COL6A3: variants seen among roughly 807,000 people sequenced by gnomAD.
COL6A3 encodes collagen alpha-3(VI) chain.
In COL6A3, 137 loss-of-function variants were observed where a neutral mutation model predicts 274.1. That is an observed-to-expected ratio of 0.50 (90% CI 0.44 to 0.58). The LOEUF is 0.58. Among genes scored for constraint, COL6A3 ranks in the 20% least tolerant of loss-of-function variants. The pLI is 0.00. For missense variants in COL6A3, 3,950 were observed against 4,124.9 expected, an observed-to-expected ratio of 0.96 and a Z score of 1.16; for synonymous variants, 1,650 against 1,650.6, an observed-to-expected ratio of 1.00 and a Z score of 0.01.
rs2077854242 is a variant in COL6A3, at chr2:237,376,815, T to C, written c.3027A>G (p.Ile1009Met). 6.2e-7 allele frequency: 1 copy of C among 1,614,224 alleles called. No homozygotes were observed. The highest frequency in any genetic ancestry group is 1.3e-5 in the African/African-American group (1 of 75,060). Reference protein sequence around the residue: ...LPKIGDLHPQIVNLLKSVHNG... With the variant: ...LPKIGDLHPQMVNLLKSVHNG... ...TGTGCACTGATTTTAAGAGATTCAC[T>C]ATCTGTGGATGAAGATCTCCAATCT... Residue 1009 changes from isoleucine (I) to methionine (M), a missense_variant, in exon 7 of 44, where the codon ATA (isoleucine) becomes ATG (methionine). By Grantham distance (10) the Ile-to-Met change is conservative (BLOSUM62 1). Around this residue, in one of 5 missense-constraint regions of COL6A3, gnomAD observed 1,934 missense variants for 1,984.3 expected, o/e 0.97. Coordinates refer to ENST00000295550, the MANE Select transcript of COL6A3 (RefSeq NM_004369.4).
At chr2:237,332,089 A>C (rs1432863119) in intron 42 of COL6A3, among the ~76,000 whole-genome samples, 1 of 31,836 alleles carries the variant, frequency 3.1e-5, no homozygotes, top group African/African-American at 2.0e-4. Flanking sequence ...ATATATATAT[A>C]TATATATATA....
rs766589204 is a variant in COL6A3, at chr2:237,388,120, G to A, written c.774C>T (p.Phe258=). 1.1e-5 allele frequency: 17 copies of A among 1,614,164 alleles called. No individual in the cohort carries two copies. Among genetic ancestry groups the A allele is most frequent in the Middle Eastern group, 1.6e-4 (1 of 6,062 alleles). Residue 258 remains phenylalanine, a synonymous_variant, in exon 4 of 44, where the codon TTC becomes TTT. Coordinates refer to ENST00000295550, the MANE Select transcript of COL6A3 (RefSeq NM_004369.4). ...TTACAAGGAAGTCGAGAATGACTGC[G>A]AAATTGACACTTCCGGTGTTGTTTG... is the stretch of plus-strand genomic sequence containing the variant. ...DGSNNTGSVN[F]AVILDFLVNL...
At chr2:237,369,894 G>C (rs1405276706) in intron 9 of COL6A3, among the ~76,000 whole-genome samples, 1 of 150,118 alleles carries the variant, frequency 6.7e-6, no homozygotes, top group Non-Finnish European at 1.5e-5. Context: ...CTGGAGTGCA[G>C]TTGCACAGTC....
chr2:237,351,282 T>G, intron 26 of COL6A3, 90 bp from the exon 27 acceptor site: 1 of 1,267,526 alleles, frequency 7.9e-7, no homozygotes, highest in Non-Finnish European at 1.2e-6. Flanking sequence ...TGCATGGAAG[T>G]CAGAGCCCGC....
intron 40 of COL6A3, among the ~76,000 whole-genome samples, chr2:237,335,392 GATAAA>G (rs1337439843): frequency 1.3e-5 from 2 of 152,132 alleles, no homozygotes; most frequent in African/African-American, 4.8e-5. Flanking sequence ...TTAGGAAAAT[GATAAA>G]ATAACATACT....
At chr2:237,373,377 A>C (rs904758062) in intron 8 of COL6A3, among the ~76,000 whole-genome samples, 1 of 152,172 alleles carries the variant, frequency 6.6e-6, no homozygotes, top group East Asian at 1.9e-4. Flanking sequence ...AGGAAGAAAG[A>C]AAGCCTCTTT....
At chr2:237,348,239 C>T (rs2077134902) in intron 30 of COL6A3, 110 bp downstream of exon 30, 4 of 953,760 alleles carry the variant, frequency 4.2e-6, no homozygotes, top group Non-Finnish European at 6.9e-6. Context: ...GCCCAGTTAA[C>T]TGAGTGGCTG....
chr2:237,382,401 C>A lies in COL6A3; in HGVS notation c.1313-902G>T, dbSNP rs548716366. Among the ~76,000 whole-genome samples, 3 of 151,940 alleles carry A rather than the reference C, an allele frequency of 2.0e-5. No individual in the cohort carries two copies. In the South Asian group the frequency reaches 6.2e-4, roughly 32 times the overall value. On this transcript the variant is annotated intron_variant, in intron 4 of 43. Transcript: ENST00000295550. ...TCATCTCCAAAAAAAAAACAAAAAA[C>A]CTGTTTTTAAAGATCCTAAGTAATA...
Position 237,361,942 on chromosome 2 carries a change from G to A in COL6A3, c.6064-111C>T, listed in dbSNP as rs1011110581. On this transcript the variant is annotated intron_variant, in intron 14 of 43. Coordinates refer to ENST00000295550, the MANE Select transcript of COL6A3 (RefSeq NM_004369.4). The surrounding 1 kb of genome is among the most constrained non-coding windows in gnomAD (Gnocchi z 5.1). ...GATGTGTGGGGGTTTCACGGTGTGAGATGAAGTCCCTCCAGGTGACATTTG... is the reference window on the plus strand; with the variant it reads ...GATGTGTGGGGGTTTCACGGTGTGAAATGAAGTCCCTCCAGGTGACATTTG... 1.3e-5 allele frequency: 12 copies of A among 932,906 alleles called. No individual in the cohort carries two copies. Among genetic ancestry groups the A allele is most frequent in the African/African-American group, 3.2e-5 (2 of 61,888 alleles). 57.8% of individuals were successfully genotyped at this position (932,906 alleles called of 1,614,324 possible).
chr2:237,373,595 C>T (rs2077749994), intron 8 of COL6A3, among the ~76,000 whole-genome samples: 1 of 152,152 alleles, frequency 6.6e-6, no homozygotes, highest in Admixed American at 6.5e-5. Flanking sequence ...GCTTTTACTC[C>T]TTCCTCCGCT....
At chr2:237,329,769 C>T (rs1440296493) in intron 42 of COL6A3, 1 of 152,178 alleles carries the variant, frequency 6.6e-6, no homozygotes, top group Non-Finnish European at 1.5e-5. Flanking sequence ...CTAAGTAACA[C>T]AAAATGCTAC....
chr2:237,396,362 T>G (rs537208077), intron 2 of COL6A3, among the ~76,000 whole-genome samples: 2 of 152,204 alleles, frequency 1.3e-5, no homozygotes, highest in South Asian at 4.1e-4. Flanking sequence ...CTCTCAATCA[T>G]TGACTTCTCC....
chr2:237,346,632 T>C, intron 31 of COL6A3, 67 bp from the exon 32 acceptor site: 1 of 1,438,122 alleles, frequency 7.0e-7, no homozygotes, highest in South Asian at 1.1e-5. Flanking sequence ...CTCCTATAGT[T>C]GGAAGGTACG....
At chr2:237,356,619 C>G (rs890241742) in intron 23 of COL6A3, among the ~76,000 whole-genome samples, 4 of 152,212 alleles carry the variant, frequency 2.6e-5, no homozygotes, top group African/African-American at 9.6e-5. Context: ...GTGCTCTGTT[C>G]ATTTCTGAGC....
chr2:237,391,186 C>T (rs2078276601), intron 3 of COL6A3, among the ~76,000 whole-genome samples: 1 of 152,198 alleles, frequency 6.6e-6, no homozygotes, highest in African/African-American at 2.4e-5. Context: ...TGCCGTGGAA[C>T]ATGCAGCGGG....
intron 28 of COL6A3, 147 bp downstream of exon 28, chr2:237,350,000 G>T: frequency 1.2e-6 from 1 of 821,440 alleles, no homozygotes; most frequent in South Asian, 1.4e-5. Context: ...TTAATTTGCC[G>T]CAGATGAGCA....
At chr2:237,410,600 C>T (rs1023849396) in intron 1 of COL6A3, among the ~76,000 whole-genome samples, 3 of 152,130 alleles carry the variant, frequency 2.0e-5, no homozygotes, top group African/African-American at 7.2e-5. Context: ...CCACAGTGCC[C>T]AGCCCTCAAA....
intron 23 of COL6A3, chr2:237,357,046 A>C: frequency 2.0e-6 from 1 of 494,006 alleles, no homozygotes; most frequent in Non-Finnish European, 3.6e-6. Flanking sequence ...TGGGTCTCTT[A>C]AATATTTAGT....
intron 3 of COL6A3, among the ~76,000 whole-genome samples, chr2:237,391,937 C>G (rs928062400): frequency 6.6e-6 from 1 of 152,138 alleles, no homozygotes; most frequent in African/African-American, 2.4e-5. Context: ...ACCCTCTTGT[C>G]ATTTCCTGGT....
Sources: allele counts gnomAD v4.1 joint callset (sites outside exome capture counted in the v4.1 genomes callset), GRCh38; gene constraint gnomAD v4.1.1; regional missense constraint gnomAD v4.1.1; non-coding constraint Gnocchi (gnomAD v3.1); transcripts MANE v1.5; gene names NCBI Gene and HGNC (gene_info 2026-07-23, HGNC 2026-07-21).